FBXL4: variants seen among roughly 807,000 people sequenced by gnomAD.
FBXL4 encodes F-box/LRR-repeat protein 4.
Under a neutral mutation model 58.9 loss-of-function variants are expected in FBXL4, and 40 were observed. That is an observed-to-expected ratio of 0.68 (90% CI 0.53 to 0.88). FBXL4 has a LOEUF of 0.88. FBXL4 is among the 40% of genes least tolerant of loss of function. The pLI is 0.00. For missense variants in FBXL4, 676 were observed against 734.4 expected (o/e 0.92, Z 0.92); for synonymous variants, 263 against 265.5 (o/e 0.99, Z 0.09).
chr6:98,919,322 A>T (rs983747049), intron 4 of FBXL4, among the ~76,000 whole-genome samples: 2 of 152,218 alleles, frequency 1.3e-5, no homozygotes, highest in Non-Finnish European at 2.9e-5. Flanking sequence ...CAGTTTCTAG[A>T]ACCTTTAAAA....
Position 98,917,581 on chromosome 6 carries a change from G to A in FBXL4, c.651C>T (p.Tyr217=), listed in dbSNP as rs1184621779. The change falls in exon 5 of 10, where the codon TAC becomes TAT. Residue 217 remains tyrosine, a synonymous_variant. Transcript: ENST00000369244. The part of the protein sequence containing the change: ...LEVNSSLLEY[Y]TELDAVVLHG... ...GTAGCACAACTGCATCTAATTCAGT[G>A]TAATATTCCAGAAGAGAACTATTTA... The A allele has an allele frequency of 1.9e-6, 3 of 1,613,856 alleles. No individual in the cohort carries two copies. Among genetic ancestry groups the A allele is most frequent in the Admixed American group, 1.7e-5 (1 of 59,994 alleles).
chr6:98,888,765 C>G (rs1771123328), intron 7 of FBXL4, among the ~76,000 whole-genome samples: 1 of 152,208 alleles, frequency 6.6e-6, no homozygotes, highest in South Asian at 2.1e-4. Context: ...AAGGCATTCA[C>G]TAAGGAGTGA....
chr6:98,897,376 G>A (rs1432896121), intron 7 of FBXL4: 1 of 980,744 alleles, frequency 1.0e-6, no homozygotes, highest in Non-Finnish European at 1.2e-6. Flanking sequence ...CTGGCATTCA[G>A]GGACAATAAT....
chr6:98,878,350 T>C (rs1023653268), intron 8 of FBXL4, among the ~76,000 whole-genome samples: 9 of 152,162 alleles, frequency 5.9e-5, no homozygotes, highest in African/African-American at 1.9e-4. Flanking sequence ...ACAGTTTCTT[T>C]GTTGTAGCAC....
chr6:98,924,888 A>G (rs1772716553), intron 4 of FBXL4, among the ~76,000 whole-genome samples: 1 of 152,198 alleles, frequency 6.6e-6, no homozygotes, highest in South Asian at 2.1e-4. Flanking sequence ...ACAGTTGAAC[A>G]GGTGCCCTGA....
intron 8 of FBXL4, among the ~76,000 whole-genome samples, chr6:98,876,413 T>C: frequency 6.6e-6 from 1 of 152,242 alleles, no homozygotes; most frequent in East Asian, 1.9e-4. Flanking sequence ...TTTTAAGAGG[T>C]TCATTTGATT....
intron 5 of FBXL4, among the ~76,000 whole-genome samples, chr6:98,911,354 C>T (rs1772057237): frequency 6.6e-6 from 1 of 152,158 alleles, no homozygotes; most frequent in African/African-American, 2.4e-5. Context: ...AGCTGGAGAT[C>T]TGAGAACGGG....
chr6:98,947,494 C>T (rs13215710), intron 1 of FBXL4, among the ~76,000 whole-genome samples: 7,532 of 152,350 alleles, frequency 0.049, 257 homozygotes, highest in Middle Eastern at 0.12. Context: ...CCCGCAGTCC[C>T]CCGCGGTGTA....
At chr6:98,900,522 C>T (rs1000841710) in intron 6 of FBXL4, among the ~76,000 whole-genome samples, 3 of 152,108 alleles carry the variant, frequency 2.0e-5, no homozygotes, top group Admixed American at 2.0e-4. Flanking sequence ...CTAGCAGAGA[C>T]CTTGGAAAAG....
At chr6:98,904,066 T>A (rs558691871) in intron 6 of FBXL4, among the ~76,000 whole-genome samples, 1 of 152,174 alleles carries the variant, frequency 6.6e-6, no homozygotes, top group Non-Finnish European at 1.5e-5. Context: ...ATGGTCTACA[T>A]AATGTAAAAT....
intron 5 of FBXL4, among the ~76,000 whole-genome samples, chr6:98,914,518 G>A (rs984945601): frequency 1.9e-4 from 29 of 151,714 alleles, no homozygotes; most frequent in Non-Finnish European, 3.4e-4. Flanking sequence ...TTCAATATAC[G>A]CAAATCAATA....
chr6:98,917,326 A>C (rs780661786), intron 5 of FBXL4, 48 bp downstream of exon 5: 2 of 1,261,474 alleles, frequency 1.6e-6, no homozygotes, highest in Admixed American at 2.4e-5. Flanking sequence ...AAAGATTAAA[A>C]ATCTATAGTG....
rs1490928210 is a variant in FBXL4, at chr6:98,947,899, T to C, written c.-402A>G. ...GTGCGGGGGCGGCTCCCCGACTCTC[T>C]AGATGCGGCACAACCGCCGCAAGCC... On this transcript the variant is annotated 5_prime_UTR_variant, in exon 1 of 10. Coordinates refer to ENST00000369244, the MANE Select transcript of FBXL4 (RefSeq NM_001278716.2). 5 of 151,102 alleles carry C rather than the reference T, an allele frequency of 3.3e-5. No individual in the cohort carries two copies. The highest frequency in any genetic ancestry group is 4.9e-5 in the African/African-American group (2 of 41,068). 9.4% of individuals were successfully genotyped at this position (151,102 alleles called of 1,614,324 possible).
intron 2 of FBXL4, among the ~76,000 whole-genome samples, chr6:98,932,847 G>C (rs1773064046): frequency 6.6e-6 from 1 of 150,588 alleles, no homozygotes; most frequent in African/African-American, 2.4e-5. Context: ...ATACATACAA[G>C]GCAAATTGTA....
At chr6:98,927,508 T>C (rs186035258) in intron 3 of FBXL4, among the ~76,000 whole-genome samples, 197 bp downstream of exon 3, 2 of 152,364 alleles carry the variant, frequency 1.3e-5, no homozygotes, top group African/African-American at 4.8e-5. Flanking sequence ...CTTTCAAACA[T>C]ACAGAATTCA....
At chr6:98,880,303 G>T (rs1383840008) in intron 8 of FBXL4, among the ~76,000 whole-genome samples, 1 of 152,170 alleles carries the variant, frequency 6.6e-6, no homozygotes, top group African/African-American at 2.4e-5. Flanking sequence ...CATCTGGCTT[G>T]AGGCAGAACT....
chr6:98,943,820 C>A (rs1009884797), intron 1 of FBXL4, among the ~76,000 whole-genome samples: 1 of 151,966 alleles, frequency 6.6e-6, no homozygotes, highest in Non-Finnish European at 1.5e-5. Flanking sequence ...AGACTCCCAG[C>A]CAAAAAATCA....
chr6:98,875,410 C>T lies in FBXL4; in HGVS notation c.1702+5G>A. On this transcript the variant is annotated splice_donor_5th_base_variant and intron_variant, in intron 9 of 9. Coordinates refer to ENST00000369244, the MANE Select transcript of FBXL4 (RefSeq NM_001278716.2). Reference sequence around the variant, plus strand: ...TTAAAACAAATTTATATATTGTAACCTTACCTAATATGTCCAGCTGCTGTA... The same window carrying T: ...TTAAAACAAATTTATATATTGTAACTTTACCTAATATGTCCAGCTGCTGTA... The T allele has an allele frequency of 6.2e-7, 1 of 1,612,942 alleles. No individual in the cohort carries two copies. The highest frequency in any genetic ancestry group is 8.5e-7 in the Non-Finnish European group (1 of 1,179,042).
intron 2 of FBXL4, among the ~76,000 whole-genome samples, chr6:98,931,263 A>G (rs1375823964): frequency 6.6e-6 from 1 of 152,264 alleles, no homozygotes; most frequent in Non-Finnish European, 1.5e-5. Context: ...ACTGTTTCCC[A>G]GCTTTTACCA....
Sources: gnomAD v4.1 joint callset for allele counts (sites outside exome capture counted in the v4.1 genomes callset) on GRCh38, gnomAD v4.1.1 for gene constraint, MANE v1.5 for transcripts, NCBI Gene and HGNC (gene_info 2026-07-23, HGNC 2026-07-21) for gene names.